Variants in ARHGEF12 observed in about 807,000 individuals in gnomAD.
ARHGEF12 encodes Rho guanine nucleotide exchange factor 12, also known as KMT2A/ARHGEF12 fusion protein.
A neutral mutation model predicts 211.2 loss-of-function variants in ARHGEF12; 66 were observed. That is an observed-to-expected ratio of 0.31 (90% CI 0.26 to 0.38). The LOEUF (loss-of-function observed/expected upper bound fraction) is 0.38. ARHGEF12 is among the 10% of genes least tolerant of loss of function. The pLI is 1.00. For synonymous variants in ARHGEF12, 592 were observed against 638.4 expected, an observed-to-expected ratio of 0.93 and a Z score of 1.09; for missense variants, 1,429 against 1,869.5, an observed-to-expected ratio of 0.76 and a Z score of 4.34.
rs1947424738 is a variant in ARHGEF12, at chr11:120,487,381, A to G, written c.*2304A>G. The G allele has an allele frequency of 4.6e-6, 1 of 218,906 alleles. No individual in the cohort carries two copies. Among genetic ancestry groups the G allele is most frequent in the South Asian group, 1.8e-4 (1 of 5,414 alleles). 13.6% of individuals were successfully genotyped at this position (218,906 alleles called of 1,614,324 possible). ...CTAGATTTTCAAACAAAGCCCCAAGATGAAGTCTAATTCTGAAAATATCTC... is the reference window on the plus strand; with the variant it reads ...CTAGATTTTCAAACAAAGCCCCAAGGTGAAGTCTAATTCTGAAAATATCTC... On this transcript the variant is annotated 3_prime_UTR_variant, in exon 41 of 41. Transcript: ENST00000397843.
chr11:120,425,636 A>C (rs523146), intron 7 of ARHGEF12, among the ~76,000 whole-genome samples: 1 of 152,038 alleles, frequency 6.6e-6, no homozygotes, highest in Non-Finnish European at 1.5e-5. Context: ...TACTGAATGG[A>C]AAATAGCATG....
At chr11:120,396,586 G>A (rs1003274041) in intron 1 of ARHGEF12, among the ~76,000 whole-genome samples, 1 of 152,176 alleles carries the variant, frequency 6.6e-6, no homozygotes, top group African/African-American at 2.4e-5. Flanking sequence ...TTTCAAAAGT[G>A]CAAAAGGCAA....
intron 26 of ARHGEF12, among the ~76,000 whole-genome samples, chr11:120,459,544 TA>T (rs1946461697): frequency 6.6e-6 from 1 of 152,176 alleles, no homozygotes; most frequent in Admixed American, 6.5e-5. Context: ...AGTCATTGCC[TA>T]AGGTGAAAAA....
At chr11:120,479,018 C>CT (rs1244269023) in intron 37 of ARHGEF12, among the ~76,000 whole-genome samples, 1 of 152,122 alleles carries the variant, frequency 6.6e-6, no homozygotes, top group Non-Finnish European at 1.5e-5. Context: ...ATTGTACTTT[C>CT]TTTTTTCTTT....
intron 1 of ARHGEF12, among the ~76,000 whole-genome samples, chr11:120,390,955 A>G (rs2135496463): frequency 6.6e-6 from 1 of 152,346 alleles, no homozygotes; most frequent in South Asian, 2.1e-4. Flanking sequence ...AAGTACTTAA[A>G]GCAGATACTG....
rs369790193 is a variant in ARHGEF12, at chr11:120,448,218, G to A, written c.1623-16G>A. On this transcript the variant is annotated splice_polypyrimidine_tract_variant and intron_variant, in intron 19 of 40. Coordinates refer to ENST00000397843, the MANE Select transcript of ARHGEF12 (RefSeq NM_015313.3). The stretch of plus-strand genomic sequence containing the variant: ...CTTCTCAGAAGTCTTAATTTACTTC[G>A]TCCTTTCTCCTCCAGCTCCACCATG... 2.9e-5 allele frequency: 46 copies of A among 1,576,616 alleles called. No homozygotes were observed. In the East Asian group the frequency reaches 3.6e-4, roughly 12 times the overall value.
chr11:120,365,153 C>T (rs2135382198), intron 1 of ARHGEF12, among the ~76,000 whole-genome samples: 1 of 152,188 alleles, frequency 6.6e-6, no homozygotes, highest in Middle Eastern at 3.4e-3. Context: ...TCTTCACACT[C>T]ATATGTTGTT....
At chr11:120,354,056 C>G (rs572544938) in intron 1 of ARHGEF12, among the ~76,000 whole-genome samples, 1 of 152,162 alleles carries the variant, frequency 6.6e-6, no homozygotes, top group East Asian at 1.9e-4. Context: ...GAGGGGCTGC[C>G]TCTGATCTCC....
rs1946101913 is a variant in ARHGEF12, at chr11:120,448,220, C to T, written c.1623-14C>T. ...TCTCAGAAGTCTTAATTTACTTCGT[C>T]CTTTCTCCTCCAGCTCCACCATGCA... On this transcript the variant is annotated splice_polypyrimidine_tract_variant and intron_variant, in intron 19 of 40. Coordinates refer to ENST00000397843, the MANE Select transcript of ARHGEF12 (RefSeq NM_015313.3). 6.3e-7 allele frequency: 1 copy of T among 1,586,552 alleles called. No homozygotes were observed. The highest frequency in any genetic ancestry group is 8.6e-7 in the Non-Finnish European group (1 of 1,158,478).
At chr11:120,439,769 T>C (rs1945813134) in intron 12 of ARHGEF12, 1 of 161,206 alleles carries the variant, frequency 6.2e-6, no homozygotes, top group African/African-American at 2.4e-5. Context: ...AACTTTATTT[T>C]TTTCTGTAAG....
At chr11:120,449,306 G>T in intron 21 of ARHGEF12, 92 bp downstream of exon 21, 1 of 1,019,426 alleles carries the variant, frequency 9.8e-7, no homozygotes, top group Non-Finnish European at 1.5e-6. Flanking sequence ...CTGGAGAAAG[G>T]AGTTGTTAGG....
At chr11:120,435,598 T>C (rs1945670292) in intron 11 of ARHGEF12, among the ~76,000 whole-genome samples, 1 of 138,188 alleles carries the variant, frequency 7.2e-6, no homozygotes, top group Non-Finnish European at 1.5e-5. Flanking sequence ...CACTGCAACC[T>C]CCGCCTCCCG....
chr11:120,457,807 AC>A (rs1946410359), intron 24 of ARHGEF12, 51 bp downstream of exon 24: 1 of 1,569,130 alleles, frequency 6.4e-7, no homozygotes, highest in African/African-American at 1.4e-5. Flanking sequence ...AAGAAACGTA[AC>A]CTTTTTTCCT....
chr11:120,416,149 A>G (rs1945020560), intron 4 of ARHGEF12, among the ~76,000 whole-genome samples: 1 of 152,194 alleles, frequency 6.6e-6, no homozygotes, highest in Admixed American at 6.5e-5. Context: ...GATTCTAGGC[A>G]TATTTATAAA....
chr11:120,474,666 G>T (rs1253168291), intron 32 of ARHGEF12, 31 bp downstream of exon 32: 3 of 1,555,728 alleles, frequency 1.9e-6, no homozygotes, highest in Non-Finnish European at 1.7e-6. Context: ...TAGTTTTGGG[G>T]AGAGTGGCAA....
At chr11:120,439,839 A>C (rs970753432) in intron 12 of ARHGEF12, 1 of 268,982 alleles carries the variant, frequency 3.7e-6, no homozygotes, top group African/African-American at 2.2e-5. Flanking sequence ...AAAGTGTTAA[A>C]GTCAGATAAC....
rs559107778 is a variant in ARHGEF12 at position 120,481,710 on chromosome 11, A to C, written c.4554+134A>C. ...ATTTCTTTGACTATTATCCATGAATAGGCCTGGGTAAAAAGTTGAGATTGG... is the reference window on the plus strand; with the variant it reads ...ATTTCTTTGACTATTATCCATGAATCGGCCTGGGTAAAAAGTTGAGATTGG... On this transcript the variant is annotated intron_variant, in intron 39 of 40. Transcript: ENST00000397843. The C allele has an allele frequency of 5.4e-5, 43 of 792,532 alleles. 2 individuals are homozygous for C. The South Asian group carries it at 7.6e-4, about 14-fold the overall frequency. 49.1% of individuals were successfully genotyped at this position (792,532 alleles called of 1,614,324 possible). A position where few individuals can be genotyped will look rare whatever the true frequency, so the allele number is the denominator to read the frequency against.
rs1281895934 is a variant in ARHGEF12, at chr11:120,489,405, G to A, written c.*4328G>A. 4.5e-6 allele frequency: 1 copy of A among 224,210 alleles called. No homozygotes were observed. Among genetic ancestry groups the A allele is most frequent in the African/African-American group, 2.2e-5 (1 of 44,820 alleles). 13.9% of individuals were successfully genotyped at this position (224,210 alleles called of 1,614,324 possible). ...TATTTTTAAGTATAAAGTTCAGTGA[G>A]GTAGGCCAGCTTTTATGACGCACCT... On this transcript the variant is annotated 3_prime_UTR_variant, in exon 41 of 41. Coordinates refer to ENST00000397843, the MANE Select transcript of ARHGEF12 (RefSeq NM_015313.3).
intron 30 of ARHGEF12, among the ~76,000 whole-genome samples, chr11:120,470,392 C>A (rs1166038694): frequency 6.6e-6 from 1 of 152,086 alleles, no homozygotes; most frequent in Non-Finnish European, 1.5e-5. Context: ...AAAGTGATGT[C>A]AAGAATAAAC....
Sources: gnomAD v4.1 joint callset for allele counts (sites outside exome capture counted in the v4.1 genomes callset) on GRCh38, gnomAD v4.1.1 for gene constraint, MANE v1.5 for transcripts, NCBI Gene and HGNC (gene_info 2026-07-23, HGNC 2026-07-21) for gene names.